The following MAGI2 variants were observed in gnomAD, a reference collection of about 807,000 sequenced individuals.
MAGI2 encodes membrane-associated guanylate kinase, WW and PDZ domain-containing protein 2.
Under a neutral mutation model 133.3 loss-of-function variants are expected in MAGI2, and 35 were observed. The observed-to-expected ratio is 0.26, with a 90% CI of 0.20 to 0.35. The LOEUF (loss-of-function observed/expected upper bound fraction) is 0.35, where lower values mean the gene tolerates loss of function less well. Ranked by LOEUF, MAGI2 falls within the 10% of genes least tolerant of loss-of-function variation. The pLI is 1.00. For synonymous variants in MAGI2, 729 were observed against 710.6 expected, an observed-to-expected ratio of 1.03 and a Z score of -0.41; for missense variants, 1,636 against 1,863.4, an observed-to-expected ratio of 0.88 and a Z score of 2.25.
In MAGI2 at chr7:79,181,232, C is replaced by A. The variant is rs920504396; in HGVS notation, c.302-174026G>T. ...GACCCCACATTTCCCTTCTGCATTG[C>A]CCTAGAAGAGGGTCTCCATGAGGGC... is the stretch of plus-strand genomic sequence containing the variant. On this transcript the variant is annotated intron_variant, in intron 1 of 21. Transcript: ENST00000354212. Among the ~76,000 whole-genome samples the A allele has an allele frequency of 1.3e-4, 20 of 152,120 alleles. 1 individual carries two copies. The highest frequency in any genetic ancestry group is 4.6e-4 in the African/African-American group (19 of 41,434).
intron 2 of MAGI2, among the ~76,000 whole-genome samples, chr7:78,820,898 T>A (rs947753650): frequency 1.3e-5 from 2 of 151,952 alleles, no homozygotes; most frequent in African/African-American, 2.4e-5. Flanking sequence ...TTCTTCAAAA[T>A]TTTTTTCTAA....
At chr7:78,151,661 C>T (rs1438138891) in intron 16 of MAGI2, among the ~76,000 whole-genome samples, 3 of 152,182 alleles carry the variant, frequency 2.0e-5, no homozygotes, top group Non-Finnish European at 4.4e-5. Flanking sequence ...CTGAGAACAA[C>T]TGATGGCAAC....
At position 79,128,148 on chromosome 7, in the gene MAGI2, C is replaced by T. The variant is rs183968867; in HGVS notation, c.302-120942G>A. ...TATTTCTGAGGGCTCTGTTCTGTTCCATTGGTCTATATCTCTGAAACTTAA... is the reference window on the plus strand; with the variant it reads ...TATTTCTGAGGGCTCTGTTCTGTTCTATTGGTCTATATCTCTGAAACTTAA... On this transcript the variant is annotated intron_variant, in intron 1 of 21. Transcript: ENST00000354212. 8.2e-4 allele frequency among the ~76,000 whole-genome samples: 125 copies of T among 151,830 alleles called. 1 individual carries two copies. The highest frequency in any genetic ancestry group is 2.9e-3 in the African/African-American group (122 of 41,466).
chr7:78,706,572 T>C (rs1449715118), intron 2 of MAGI2, among the ~76,000 whole-genome samples: 10 of 152,162 alleles, frequency 6.6e-5, no homozygotes. Flanking sequence ...TTTGTATCTA[T>C]ACTGAATAAA....
At chr7:78,999,232 T>C (rs1422526266) in intron 2 of MAGI2, among the ~76,000 whole-genome samples, 2 of 150,818 alleles carry the variant, frequency 1.3e-5, no homozygotes, top group African/African-American at 4.9e-5. Context: ...GAAAAGCCAA[T>C]CAAGTCAGGG....
intron 1 of MAGI2, among the ~76,000 whole-genome samples, chr7:79,186,216 A>T (rs370305147): frequency 9.7e-4 from 22 of 22,764 alleles, no homozygotes; most frequent in Non-Finnish European, 8.1e-3. Context: ...ATATATATAT[A>T]TATATATATA....
chr7:78,994,123 G>A lies in MAGI2; in HGVS notation c.418+12967C>T, dbSNP rs1806060742. Reference sequence around the variant, plus strand: ...TTATTGCGCCCAAAGAAAACCAGTAGGAGTCTTGGAGATCTGAGAAGCTGT... The same window carrying A: ...TTATTGCGCCCAAAGAAAACCAGTAAGAGTCTTGGAGATCTGAGAAGCTGT... On this transcript the variant is annotated intron_variant, in intron 2 of 21. Transcript: ENST00000354212. Among the ~76,000 whole-genome samples the A allele has an allele frequency of 2.0e-5, 3 of 152,172 alleles. No individual in the cohort carries two copies. In the South Asian group the frequency reaches 6.2e-4, roughly 32 times the overall value.
chr7:79,434,597 A>G (rs1049885850), intron 1 of MAGI2, among the ~76,000 whole-genome samples: 30 of 152,208 alleles, frequency 2.0e-4, no homozygotes, highest in African/African-American at 7.0e-4. Flanking sequence ...ACCACAGCAT[A>G]ATATAGTGAA....
At chr7:78,876,007 T>C (rs1333885054) in intron 2 of MAGI2, among the ~76,000 whole-genome samples, 2 of 152,036 alleles carry the variant, frequency 1.3e-5, no homozygotes, top group Non-Finnish European at 2.9e-5. Context: ...AACATGATAT[T>C]ACAAAATAAA....
intron 1 of MAGI2, among the ~76,000 whole-genome samples, chr7:79,207,778 G>A (rs985960617): frequency 1.3e-5 from 2 of 151,938 alleles, no homozygotes; most frequent in African/African-American, 4.8e-5. Context: ...CACACTTCTT[G>A]ACTTCAAAAA....
At chr7:79,176,004 A>G (rs1045682934) in intron 1 of MAGI2, among the ~76,000 whole-genome samples, 15 of 152,056 alleles carry the variant, frequency 9.9e-5, no homozygotes, top group Admixed American at 9.8e-4. Context: ...TAAAGACAAG[A>G]AATTGAAGGA....
chr7:79,270,641 C>T (rs994061670), intron 1 of MAGI2, among the ~76,000 whole-genome samples: 2 of 152,084 alleles, frequency 1.3e-5, no homozygotes, highest in African/African-American at 4.8e-5. Flanking sequence ...CATATGTATA[C>T]ATCTTTATTT....
intron 1 of MAGI2, among the ~76,000 whole-genome samples, chr7:79,068,198 C>A (rs530312583): frequency 1.5e-4 from 23 of 152,244 alleles, no homozygotes; most frequent in African/African-American, 1.9e-4. Flanking sequence ...CCTCTTTGTA[C>A]CTCTGGTAGA....
intron 2 of MAGI2, among the ~76,000 whole-genome samples, chr7:78,855,884 G>T (rs1793593353): frequency 6.6e-6 from 1 of 152,190 alleles, no homozygotes; most frequent in Non-Finnish European, 1.5e-5. Flanking sequence ...GTGTAAAAGT[G>T]TTCCTGTTTC....
intron 2 of MAGI2, among the ~76,000 whole-genome samples, chr7:78,945,113 G>A (rs1174405791): frequency 6.6e-6 from 1 of 152,018 alleles, no homozygotes; most frequent in African/African-American, 2.4e-5. Flanking sequence ...GGAGTGTGGA[G>A]TGCAGTGGTG....
chr7:78,541,629 C>T (rs1798419573), intron 3 of MAGI2, among the ~76,000 whole-genome samples: 1 of 152,148 alleles, frequency 6.6e-6, no homozygotes, highest in South Asian at 2.1e-4. Context: ...AGCAGTGTCA[C>T]CTGGGAGCCT....
At chr7:79,370,514 T>C (rs56158992) in intron 1 of MAGI2, among the ~76,000 whole-genome samples, 3 of 152,076 alleles carry the variant, frequency 2.0e-5, no homozygotes, top group African/African-American at 7.2e-5. Context: ...GTTTCCATCA[T>C]AAGCAAGAAA....
In MAGI2 at chr7:79,213,256, A is replaced by G. The variant is rs374580046; in HGVS notation, c.302-206050T>C. On this transcript the variant is annotated intron_variant, in intron 1 of 21. Transcript: ENST00000354212. ...TGTGTGTGTATATATGTGGGTGTGT[A>G]TATATATATGTGGGTGTGTATATAT... is the stretch of plus-strand genomic sequence containing the variant. Among the ~76,000 whole-genome samples the G allele has an allele frequency of 3.9e-4, 54 of 139,608 alleles. 1 individual carries two copies. The East Asian group carries it at 0.01, about 26-fold the overall frequency. The allele number at this position is 139,608 out of a possible 152,430, so 91.6% of individuals were successfully genotyped here.
intron 21 of MAGI2, 131 bp downstream of exon 21, chr7:78,078,806 GTGTGTGTATA>G: frequency 1.3e-6 from 1 of 782,744 alleles, no homozygotes; most frequent in Non-Finnish European, 2.2e-6. Context: ...GTGTGTGTGT[GTGTGTGTATA>G]TATATACCTA....
Sources: allele counts gnomAD v4.1 joint callset (sites outside exome capture counted in the v4.1 genomes callset), GRCh38; gene constraint gnomAD v4.1.1; transcripts MANE v1.5; gene names NCBI Gene and HGNC (gene_info 2026-07-23, HGNC 2026-07-21).